NRG1: variants seen among roughly 807,000 people sequenced by gnomAD.
NRG1 encodes neuregulin 1, also known as pro-neuregulin-1, membrane-bound isoform.
NRG1 carries 18 observed loss-of-function variants against 63.8 expected under a neutral mutation model. That is an observed-to-expected ratio of 0.28 (90% CI 0.19 to 0.42). The LOEUF (loss-of-function observed/expected upper bound fraction) is 0.42, where lower values mean the gene tolerates loss of function less well. NRG1 is among the 10% of genes least tolerant of loss of function. The pLI is 1.00. For missense variants in NRG1, 762 were observed against 814.7 expected, an observed-to-expected ratio of 0.94 and a Z score of 0.79; for synonymous variants, 302 against 301.3, an observed-to-expected ratio of 1.00 and a Z score of -0.02.
rs185051154 is a variant in NRG1 at position 31,841,325 on chromosome 8, T to C, written c.37+201894T>C. ...GGAACTTCTGTGGTTTAGAGTGAGATGGATCTTGCAAGAGCTCAGGCTGGA... is the reference window on the plus strand; with the variant it reads ...GGAACTTCTGTGGTTTAGAGTGAGACGGATCTTGCAAGAGCTCAGGCTGGA... On this transcript the variant is annotated intron_variant, in intron 1 of 10. Coordinates refer to the NRG1 transcript ENST00000519301. Among the ~76,000 whole-genome samples the C allele has an allele frequency of 2.4e-3, 361 of 152,102 alleles. 2 individuals are homozygous for C. Among genetic ancestry groups the C allele is most frequent in the African/African-American group, 7.3e-3 (304 of 41,482 alleles).
downstream of NRG1, among the ~76,000 whole-genome samples, chr8:32,769,490 G>A (rs1831647166): frequency 6.6e-6 from 1 of 152,174 alleles, no homozygotes; most frequent in Non-Finnish European, 1.5e-5. Flanking sequence ...TCCTAACGAT[G>A]AATGATAAAA....
At chr8:32,332,522 T>C (rs1367520460) in intron 1 of NRG1, among the ~76,000 whole-genome samples, 1 of 152,212 alleles carries the variant, frequency 6.6e-6, no homozygotes, top group Non-Finnish European at 1.5e-5. Flanking sequence ...CAATGCATTA[T>C]TTTGTATAAT....
intron 1 of NRG1, among the ~76,000 whole-genome samples, chr8:32,505,082 T>G (rs1267920847): frequency 6.6e-6 from 1 of 152,176 alleles, no homozygotes; most frequent in Non-Finnish European, 1.5e-5. Flanking sequence ...TTTTCGGGCA[T>G]TTTTGTCTGT....
intron 1 of NRG1, among the ~76,000 whole-genome samples, chr8:31,967,270 C>T (rs116855676): frequency 0.01 from 1,553 of 152,280 alleles, 22 homozygotes; most frequent in South Asian, 0.073. Flanking sequence ...CCCTCCTCCA[C>T]GCCCTCTTTC....
chr8:32,746,452 A>G (rs1249413593), intron 7 of NRG1, among the ~76,000 whole-genome samples: 1 of 152,148 alleles, frequency 6.6e-6, no homozygotes, highest in Non-Finnish European at 1.5e-5. Context: ...AGGAACCACA[A>G]TTGCATGGAT....
chr8:31,955,194 A>G (rs1489205588), intron 1 of NRG1, among the ~76,000 whole-genome samples: 1 of 152,124 alleles, frequency 6.6e-6, no homozygotes, highest in Non-Finnish European at 1.5e-5. Context: ...CTTTTGCACC[A>G]ACCTAATATT....
At chr8:32,316,781 G>C (rs1857445537) in intron 1 of NRG1, among the ~76,000 whole-genome samples, 1 of 150,232 alleles carries the variant, frequency 6.7e-6, no homozygotes, top group Admixed American at 6.7e-5. Flanking sequence ...ATTAGGGTAT[G>C]TTCTGACTAT....
chr8:31,687,127 A>G (rs559898475), intron 1 of NRG1, among the ~76,000 whole-genome samples: 2 of 152,260 alleles, frequency 1.3e-5, no homozygotes, highest in East Asian at 3.9e-4. Context: ...TTGTTGTTAG[A>G]AGAGAATATT....
chr8:32,341,432 G>T (rs149858758), intron 1 of NRG1, among the ~76,000 whole-genome samples: 13 of 152,310 alleles, frequency 8.5e-5, no homozygotes, highest in African/African-American at 1.9e-4. Flanking sequence ...TCATCCCCTG[G>T]TTCTACAGAA....
intron 1 of NRG1, among the ~76,000 whole-genome samples, chr8:31,729,361 T>C (rs1261867136): frequency 6.6e-6 from 1 of 152,142 alleles, no homozygotes; most frequent in African/African-American, 2.4e-5. Context: ...TCTTATCTGC[T>C]TTGGCAAATA....
At chr8:32,449,806 C>A (rs1820737337) in intron 1 of NRG1, among the ~76,000 whole-genome samples, 1 of 152,156 alleles carries the variant, frequency 6.6e-6, no homozygotes, top group Non-Finnish European at 1.5e-5. Context: ...ACACACCATG[C>A]ATATATTCAG....
chr8:32,682,227 T>C (rs1232786406), intron 5 of NRG1, among the ~76,000 whole-genome samples: 1 of 152,210 alleles, frequency 6.6e-6, no homozygotes, highest in Admixed American at 6.5e-5. Flanking sequence ...TTATAGTTAT[T>C]ATGCTATTAT....
At chr8:32,357,545 T>C (rs1806605144) in intron 1 of NRG1, among the ~76,000 whole-genome samples, 1 of 152,234 alleles carries the variant, frequency 6.6e-6, no homozygotes, top group Non-Finnish European at 1.5e-5. Flanking sequence ...TTTTTCATCA[T>C]GTCCTGCTTT....
chr8:32,016,729 T>A (rs537391249), intron 1 of NRG1, among the ~76,000 whole-genome samples: 3 of 152,236 alleles, frequency 2.0e-5, no homozygotes, highest in South Asian at 4.1e-4. Context: ...AAATGTTGGA[T>A]ATAATAACCA....
At chr8:32,209,911 A>T (rs568073936) in intron 1 of NRG1, among the ~76,000 whole-genome samples, 2 of 152,162 alleles carry the variant, frequency 1.3e-5, no homozygotes, top group South Asian at 2.1e-4. Flanking sequence ...TCTCTTTGTT[A>T]TACAGGAAAG....
chr8:32,711,592 G>A (rs901563981), intron 5 of NRG1, among the ~76,000 whole-genome samples: 13 of 152,202 alleles, frequency 8.5e-5, no homozygotes, highest in African/African-American at 1.4e-4. Flanking sequence ...GTAATGTTAC[G>A]CTATGAATTT....
At chr8:32,715,734 G>A (rs1303552501) in intron 5 of NRG1, among the ~76,000 whole-genome samples, 1 of 151,308 alleles carries the variant, frequency 6.6e-6, no homozygotes, top group Non-Finnish European at 1.5e-5. Flanking sequence ...CGCCTCCCTG[G>A]TTCAAGTGAT....
intron 1 of NRG1, among the ~76,000 whole-genome samples, chr8:32,106,663 A>T (rs1831301794): frequency 1.3e-5 from 2 of 152,190 alleles, no homozygotes; most frequent in Admixed American, 1.3e-4. Flanking sequence ...AAATATTCAC[A>T]ATTAAAAATA....
intron 5 of NRG1, among the ~76,000 whole-genome samples, chr8:32,686,748 C>T (rs747878083): frequency 3.9e-5 from 6 of 152,136 alleles, no homozygotes; most frequent in African/African-American, 9.7e-5. Flanking sequence ...GAGGGAGCCC[C>T]GGAGACTGTG....
Sources: allele counts gnomAD v4.1 joint callset (sites outside exome capture counted in the v4.1 genomes callset), GRCh38; gene constraint gnomAD v4.1.1; transcripts MANE v1.5; gene names NCBI Gene and HGNC (gene_info 2026-07-23, HGNC 2026-07-21).